Variants in UQCRFS1 observed in about 807,000 individuals in gnomAD.
UQCRFS1 encodes the protein ubiquinol-cytochrome c reductase, Rieske iron-sulfur polypeptide 1, also known as cytochrome b-c1 complex subunit Rieske, mitochondrial.
A neutral mutation model predicts 15.6 loss-of-function variants in UQCRFS1; 6 were observed. That is an observed-to-expected ratio of 0.38 (90% confidence interval 0.21 to 0.76). The LOEUF is 0.76. Ranked by LOEUF, UQCRFS1 falls within the 30% of genes least tolerant of loss-of-function variation. The probability of loss-of-function intolerance (pLI) is 0.44; values close to 1 mark genes in which losing one functional copy is unlikely to be tolerated. For missense variants in UQCRFS1, 203 were observed against 366.7 expected, an observed-to-expected ratio of 0.55 and a Z score of 3.65; for synonymous variants, 105 against 154.3, an observed-to-expected ratio of 0.68 and a Z score of 2.37.
At chr19:29,211,815 T>C (rs1309489043) in intron 1 of UQCRFS1, among the ~76,000 whole-genome samples, 1 of 152,176 alleles carries the variant, frequency 6.6e-6, no homozygotes, top group African/African-American at 2.4e-5. Context: ...GCGGGCAATT[T>C]GGTTAGCGTG....
chr19:29,208,987 C>T (rs1376255970), intron 1 of UQCRFS1, among the ~76,000 whole-genome samples: 1 of 152,160 alleles, frequency 6.6e-6, no homozygotes, highest in Non-Finnish European at 1.5e-5. Context: ...TCCCTTTTCA[C>T]TGCTGTAGTT....
intron 1 of UQCRFS1, among the ~76,000 whole-genome samples, chr19:29,209,149 ATTTTTAAATATC>A (rs1976620899): frequency 1.9e-3 from 2 of 1,048 alleles, no homozygotes; most frequent in African/African-American, 8.1e-3. Flanking sequence ...CTCCAATACT[ATTTTTAAATATC>A]TGACCAAAAA....
chr19:29,212,857 G>A, intron 1 of UQCRFS1, 48 bp downstream of exon 1: 1 of 1,376,820 alleles, frequency 7.3e-7, no homozygotes, highest in African/African-American at 1.5e-5. Flanking sequence ...CGGAGGAGCG[G>A]GCACCGAGAG....
At chr19:29,211,985 T>C (rs1276951645) in intron 1 of UQCRFS1, among the ~76,000 whole-genome samples, 1 of 152,168 alleles carries the variant, frequency 6.6e-6, no homozygotes, top group Admixed American at 6.5e-5. Flanking sequence ...AAGTAGAAAC[T>C]AGATCCCAGT....
At chr19:29,211,371 T>C (rs189290127) in intron 1 of UQCRFS1, among the ~76,000 whole-genome samples, 18 of 152,328 alleles carry the variant, frequency 1.2e-4, no homozygotes, top group Non-Finnish European at 2.1e-4. Context: ...TGCTTTTCTT[T>C]TGCTATTGAA....
At position 29,205,576 on chromosome 19, in the gene UQCRFS1, A is replaced by G. The variant is rs1976585100; in HGVS notation, c.*1972T>C. Reference sequence around the variant, plus strand: ...ATTTTTATAACACTTTTTAAAGCATAATGAAAACACTTGGCTCTCAAGATT... The same window carrying G: ...ATTTTTATAACACTTTTTAAAGCATGATGAAAACACTTGGCTCTCAAGATT... On this transcript the variant is annotated 3_prime_UTR_variant, in exon 2 of 2. Coordinates refer to ENST00000304863, the MANE Select transcript of UQCRFS1 (RefSeq NM_006003.3). 6.6e-6 allele frequency: 1 copy of G among 152,228 alleles called. No homozygotes were observed. The highest frequency in any genetic ancestry group is 2.4e-5 in the African/African-American group (1 of 41,466). 9.4% of individuals were successfully genotyped at this position (152,228 alleles called of 1,614,324 possible).
Position 29,213,140 on chromosome 19 carries a change from C to G in UQCRFS1, c.-22G>C. 1 of 1,519,998 alleles carries G rather than the reference C, an allele frequency of 6.6e-7. No homozygotes were observed. Among genetic ancestry groups the G allele is most frequent in the Non-Finnish European group, 8.8e-7 (1 of 1,139,818 alleles). The allele number at this position is 1,519,998 out of a possible 1,614,324, so 94.2% of individuals were successfully genotyped here. A position where few individuals can be genotyped will look rare whatever the true frequency, so the allele number is the denominator to read the frequency against. Reference sequence around the variant, plus strand: ...ACATGGCGACAGCCGCTCCAACCGCCAAGCCGGTCACAGGGACGACCTTCC... The same window carrying G: ...ACATGGCGACAGCCGCTCCAACCGCGAAGCCGGTCACAGGGACGACCTTCC... On this transcript the variant is annotated 5_prime_UTR_variant, in exon 1 of 2. Coordinates refer to ENST00000304863, the MANE Select transcript of UQCRFS1 (RefSeq NM_006003.3).
chr19:29,206,268 G>C lies in UQCRFS1; in HGVS notation c.*1280C>G, dbSNP rs962496305. ...AATGGTAAAAATGAAGCAAAGACTA[G>C]TATCTACTCATAAGCATAGAAAGTT... On this transcript the variant is annotated 3_prime_UTR_variant, in exon 2 of 2. Coordinates refer to ENST00000304863, the MANE Select transcript of UQCRFS1 (RefSeq NM_006003.3). The C allele has an allele frequency of 6.6e-6, 1 of 152,180 alleles. No homozygotes were observed. Among genetic ancestry groups the C allele is most frequent in the East Asian group, 1.9e-4 (1 of 5,200 alleles). 9.4% of individuals were successfully genotyped at this position (152,180 alleles called of 1,614,324 possible). A position where few individuals can be genotyped will look rare whatever the true frequency, so the allele number is the denominator to read the frequency against.
chr19:29,205,361 T>C lies in UQCRFS1; in HGVS notation c.*2187A>G, dbSNP rs1241128492. ...TAGTACTGTGAGAATGAAGAATTAC[T>C]TCTGATATTTAAATAGTATGTTCCT... On this transcript the variant is annotated 3_prime_UTR_variant, in exon 2 of 2. Coordinates refer to ENST00000304863, the MANE Select transcript of UQCRFS1 (RefSeq NM_006003.3). 2.6e-5 allele frequency: 4 copies of C among 152,322 alleles called. No homozygotes were observed. The highest frequency in any genetic ancestry group is 4.4e-5 in the Non-Finnish European group (3 of 68,030). 9.4% of individuals were successfully genotyped at this position (152,322 alleles called of 1,614,324 possible). A position where few individuals can be genotyped will look rare whatever the true frequency, so the allele number is the denominator to read the frequency against.
chr19:29,210,720 C>T lies in UQCRFS1; in HGVS notation c.214+2185G>A, dbSNP rs138400857. On this transcript the variant is annotated intron_variant, in intron 1 of 1. Coordinates refer to ENST00000304863, the MANE Select transcript of UQCRFS1 (RefSeq NM_006003.3). ...TTTTTTATGGCTGCATAGTATTCCACGGTGTATATGTGCCACATTTTCTTA... is the reference window on the plus strand; with the variant it reads ...TTTTTTATGGCTGCATAGTATTCCATGGTGTATATGTGCCACATTTTCTTA... Among the ~76,000 whole-genome samples, 1,259 of 152,180 alleles carry T rather than the reference C, an allele frequency of 8.3e-3. 18 individuals are homozygous for T. The highest frequency in any genetic ancestry group is 0.026 in the African/African-American group (1,065 of 41,502).
intron 1 of UQCRFS1, 55 bp from the exon 2 acceptor site, chr19:29,208,213 GTATATATCAGGAAA>G (rs1976612400): frequency 6.6e-7 from 1 of 1,525,352 alleles, no homozygotes; most frequent in East Asian, 2.3e-5. Context: ...CCCGAAGGGA[GTATATATCAGGAAA>G]TAGCCCTTTA....
At chr19:29,209,487 C>T (rs1313798616) in intron 1 of UQCRFS1, among the ~76,000 whole-genome samples, 1 of 152,044 alleles carries the variant, frequency 6.6e-6, no homozygotes, top group Admixed American at 6.5e-5. Flanking sequence ...TTTATGGAAG[C>T]CAGAAGTATT....
intron 1 of UQCRFS1, among the ~76,000 whole-genome samples, chr19:29,211,881 C>G (rs1004722764): frequency 5.3e-5 from 8 of 151,566 alleles, no homozygotes; most frequent in African/African-American, 1.9e-4. Flanking sequence ...CAGAATGAAA[C>G]ACGCAGACCT....
At chr19:29,209,619 A>C (rs1158278609) in intron 1 of UQCRFS1, among the ~76,000 whole-genome samples, 2 of 152,202 alleles carry the variant, frequency 1.3e-5, no homozygotes, top group Admixed American at 6.5e-5. Flanking sequence ...CTGTGGAGTC[A>C]AAGTGACATT....
chr19:29,205,339 T>C lies in UQCRFS1; in HGVS notation c.*2209A>G, dbSNP rs1976582943. ...TGAAAATACAGAAAATGAAATTTAGTACTGTGAGAATGAAGAATTACTTCT... is the reference window on the plus strand; with the variant it reads ...TGAAAATACAGAAAATGAAATTTAGCACTGTGAGAATGAAGAATTACTTCT... On this transcript the variant is annotated 3_prime_UTR_variant, in exon 2 of 2. Coordinates refer to ENST00000304863, the MANE Select transcript of UQCRFS1 (RefSeq NM_006003.3). 1 of 152,242 alleles carries C rather than the reference T, an allele frequency of 6.6e-6. No homozygotes were observed. Among genetic ancestry groups the C allele is most frequent in the Non-Finnish European group, 1.5e-5 (1 of 68,050 alleles). 9.4% of individuals were successfully genotyped at this position (152,242 alleles called of 1,614,324 possible). A position where few individuals can be genotyped will look rare whatever the true frequency, so the allele number is the denominator to read the frequency against.
chr19:29,207,703 G>T lies in UQCRFS1; in HGVS notation c.670C>A (p.Pro224Thr). The change falls in exon 2 of 2, where the codon CCC becomes ACC. Residue 224 changes from proline (P) to threonine (T), a missense_variant. By Grantham distance (38) the Pro-to-Thr change is conservative (BLOSUM62 -1). This residue lies in a region of UQCRFS1 where 91 missense variants were observed against 186.9 expected (regional missense o/e 0.49). Transcript: ENST00000304863. ...IGVCTHLGCV[P>T]IANAGDFGGY... is the part of the protein sequence containing the mutation. ...CCAAAATCTCCTGCATTTGCAATGG[G>T]TACACAGCCAAGATGAGTGCAAACA... The T allele has an allele frequency of 6.2e-7, 1 of 1,613,972 alleles. No homozygotes were observed. The highest frequency in any genetic ancestry group is 8.5e-7 in the Non-Finnish European group (1 of 1,179,870).
intron 1 of UQCRFS1, among the ~76,000 whole-genome samples, chr19:29,211,810 C>G (rs973649820): frequency 9.2e-5 from 14 of 152,106 alleles, no homozygotes; most frequent in Non-Finnish European, 1.5e-4. Context: ...AAGTGGCGGG[C>G]AATTTGGTTA....
chr19:29,208,258 CAAATTCTAA>C, intron 1 of UQCRFS1, 100 bp from the exon 2 acceptor site: 1 of 1,452,118 alleles, frequency 6.9e-7, no homozygotes, highest in East Asian at 2.3e-5. Context: ...GGTAAAAAAT[CAAATTCTAA>C]AAATGTGAAA....
intron 1 of UQCRFS1, among the ~76,000 whole-genome samples, chr19:29,208,742 T>C (rs1976616690): frequency 6.6e-6 from 1 of 152,230 alleles, no homozygotes; most frequent in Admixed American, 6.5e-5. Flanking sequence ...TGTATAACTC[T>C]GCTGCAGAAA....
Sources: gnomAD v4.1 joint callset for allele counts (sites outside exome capture counted in the v4.1 genomes callset) on GRCh38, gnomAD v4.1.1 for gene constraint, gnomAD v4.1.1 regional missense constraint, MANE v1.5 for transcripts, NCBI Gene and HGNC (gene_info 2026-07-23, HGNC 2026-07-21) for gene names.